VWA3A: variants seen among roughly 807,000 people sequenced by gnomAD.
VWA3A encodes von Willebrand factor A domain containing 3A.
In VWA3A, 134 loss-of-function variants were observed where a neutral mutation model predicts 160.4. The observed-to-expected ratio is 0.84, with a 90% CI of 0.73 to 0.96. The LOEUF is 0.96. VWA3A is among the 40% of genes least tolerant of loss of function. The probability of loss-of-function intolerance (pLI) is 0.00; values close to 1 mark genes in which losing one functional copy is unlikely to be tolerated. For missense variants in VWA3A, 1,310 were observed against 1,447.9 expected, an observed-to-expected ratio of 0.90 and a Z score of 1.55; for synonymous variants, 476 against 543.4, an observed-to-expected ratio of 0.88 and a Z score of 1.72.
intron 6 of VWA3A, among the ~76,000 whole-genome samples, chr16:22,104,113 T>C (rs1272817485): frequency 1.3e-5 from 2 of 152,176 alleles, no homozygotes; most frequent in African/African-American, 4.8e-5. Context: ...AGAATGCAGA[T>C]GTGCACTGGG....
At chr16:22,144,488 A>G in intron 26 of VWA3A, 104 bp downstream of exon 26, 1 of 1,466,030 alleles carries the variant, frequency 6.8e-7, no homozygotes, top group Middle Eastern at 1.8e-4. Context: ...GCTTGTAGGA[A>G]CTGCCCTCCT....
intron 16 of VWA3A, among the ~76,000 whole-genome samples, chr16:22,125,346 A>T (rs1025848552): frequency 2.6e-5 from 4 of 151,894 alleles, no homozygotes; most frequent in African/African-American, 9.7e-5. Context: ...CGATCGCACC[A>T]TTGCACTCCA....
In VWA3A at chr16:22,148,189, T is replaced by C. The variant is rs775866609; in HGVS notation, c.2867T>C (p.Leu956Ser). ...SGSRRLFGTV[L>S]ESKVCILLDT... ...AGCCGCCGACTGTTTGGCACCGTTT[T>C]GGAGAGCAAAGTATGCATATTGCTG... The change falls in exon 28 of 34, where the codon TTG becomes TCG. Residue 956 changes from leucine (L) to serine (S), a missense_variant. Transcript: ENST00000389398. 5.6e-6 allele frequency: 9 copies of C among 1,603,896 alleles called. No homozygotes were observed. In the South Asian group the frequency reaches 6.8e-5, roughly 12 times the overall value.
At chr16:22,105,308 A>G (rs1454820624) in intron 6 of VWA3A, among the ~76,000 whole-genome samples, 1 of 152,206 alleles carries the variant, frequency 6.6e-6, no homozygotes, top group African/African-American at 2.4e-5. Context: ...GGAGCTACAG[A>G]GAAACCATGG....
rs752652298 is a variant in VWA3A at position 22,134,408 on chromosome 16, G to T, written c.2109G>T (p.Glu703Asp). ...ESDDINSIMS[E>D]MEKALNYSQK... ...ATGACATCAACTCCATCATGTCTGAGATGGAAAAGGCTCTCAACTACTCCC... is the reference window on the plus strand; with the variant it reads ...ATGACATCAACTCCATCATGTCTGATATGGAAAAGGCTCTCAACTACTCCC... Residue 703 changes from glutamate (E) to aspartate (D), a missense_variant, in exon 21 of 34, where the codon GAG becomes GAT. Physicochemically the swap from Glu to Asp is conservative, Grantham distance 45. Coordinates refer to ENST00000389398, the MANE Select transcript of VWA3A (RefSeq NM_173615.5). 3.1e-6 allele frequency: 5 copies of T among 1,598,260 alleles called. No homozygotes were observed. Among genetic ancestry groups the T allele is most frequent in the Non-Finnish European group, 4.3e-6 (5 of 1,171,996 alleles).
At chr16:22,150,871 GT>G in intron 30 of VWA3A, 25 bp downstream of exon 30, 1 of 1,599,422 alleles carries the variant, frequency 6.3e-7, no homozygotes, top group Admixed American at 1.7e-5. Flanking sequence ...GTCTGACTGA[GT>G]TTTATTCTTT....
rs75117510 is a variant in VWA3A at position 22,144,161 on chromosome 16, A to G, written c.2593-86A>G. The G allele has an allele frequency of 8.5e-3, 12,320 of 1,448,556 alleles. 819 individuals are homozygous for G. In the African/African-American group the frequency reaches 0.15, roughly 18 times the overall value. 89.7% of individuals were successfully genotyped at this position (1,448,556 alleles called of 1,614,324 possible). ...CATTTCAAACATCATACAGGTTTCA[A>G]ACATGAGGTTCTCATAGACCAGTCA... is the stretch of plus-strand genomic sequence containing the variant. On this transcript the variant is annotated intron_variant, in intron 25 of 33. Coordinates refer to ENST00000389398, the MANE Select transcript of VWA3A (RefSeq NM_173615.5).
chr16:22,110,649 C>T (rs1162012620), intron 7 of VWA3A, among the ~76,000 whole-genome samples: 2 of 152,202 alleles, frequency 1.3e-5, no homozygotes, highest in Non-Finnish European at 2.9e-5. Flanking sequence ...CAGGTAAGTG[C>T]CAAGGGTCCA....
At chr16:22,101,915 A>G (rs535586171) in intron 5 of VWA3A, among the ~76,000 whole-genome samples, 5 of 152,354 alleles carry the variant, frequency 3.3e-5, no homozygotes, top group African/African-American at 1.2e-4. Context: ...ATTGACTTTT[A>G]GCAAATTGAC....
intron 8 of VWA3A, among the ~76,000 whole-genome samples, chr16:22,114,433 A>G (rs958819809): frequency 1.3e-5 from 2 of 152,196 alleles, no homozygotes; most frequent in Non-Finnish European, 2.9e-5. Context: ...CTGGCTCCCA[A>G]GAGAGTGGGT....
At chr16:22,154,650 A>AT (rs906008094) in intron 31 of VWA3A, among the ~76,000 whole-genome samples, 12 of 151,084 alleles carry the variant, frequency 7.9e-5, no homozygotes, top group Admixed American at 1.3e-4. Context: ...ATTAGTTAAC[A>AT]TTTTTTTTAA....
intron 15 of VWA3A, 71 bp from the exon 16 acceptor site, chr16:22,123,542 C>G (rs550551429): frequency 6.2e-7 from 1 of 1,612,102 alleles, no homozygotes; most frequent in Admixed American, 1.7e-5. Context: ...CCCAGGTACA[C>G]GTACTTCCCC....
rs372471067 is a variant in VWA3A, at chr16:22,100,468, C to T, written c.403C>T (p.Arg135Cys). Residue 135 changes from arginine to cysteine, a missense_variant, in exon 5 of 34, where the codon CGC becomes TGC. By Grantham distance (180) the Arg-to-Cys change is radical. Coordinates refer to ENST00000389398, the MANE Select transcript of VWA3A (RefSeq NM_173615.5). ...AATATGTTTCTCCACCCAGATCATC[C>T]GCCATTTTGAGTCAAAGCTTTCTGA... ...QKICFSTQII[R>C]HFESKLSDTI... 179 of 1,551,578 alleles carry T rather than the reference C, an allele frequency of 1.2e-4. No homozygotes were observed. Among genetic ancestry groups the T allele is most frequent in the Non-Finnish European group, 1.4e-4 (160 of 1,146,990 alleles).
chr16:22,131,532 A>G (rs779374759), intron 18 of VWA3A, 53 bp from the exon 19 acceptor site: 21 of 1,597,156 alleles, frequency 1.3e-5, no homozygotes, highest in Non-Finnish European at 1.8e-5. Flanking sequence ...CCCAAAAGGT[A>G]TGCCCTGGGC....
intron 14 of VWA3A, 31 bp downstream of exon 14, chr16:22,121,648 T>G (rs766943258): frequency 1.3e-6 from 2 of 1,518,390 alleles, no homozygotes; most frequent in South Asian, 2.3e-5. Flanking sequence ...TCTCCAGTCC[T>G]CCACAGGAGA....
chr16:22,127,874 G>A (rs2045878619), intron 17 of VWA3A, among the ~76,000 whole-genome samples: 1 of 152,200 alleles, frequency 6.6e-6, no homozygotes, highest in Non-Finnish European at 1.5e-5. Context: ...GTATGGGACT[G>A]CAAGGTATCA....
chr16:22,107,918 G>A (rs1456524669), intron 6 of VWA3A, among the ~76,000 whole-genome samples: 1 of 152,134 alleles, frequency 6.6e-6, no homozygotes, highest in East Asian at 1.9e-4. Flanking sequence ...AGAAAATATG[G>A]CCAGTGAAGA....
intron 21 of VWA3A, among the ~76,000 whole-genome samples, chr16:22,136,240 G>T (rs1025136823): frequency 7.9e-5 from 12 of 152,172 alleles, no homozygotes; most frequent in African/African-American, 2.9e-4. Flanking sequence ...TGATTGAACG[G>T]GCAGTGTGAA....
At chr16:22,093,158 C>T (rs1901396008) in intron 1 of VWA3A, among the ~76,000 whole-genome samples, 1 of 152,074 alleles carries the variant, frequency 6.6e-6, no homozygotes. Context: ...GTTCTAAACT[C>T]TATTTTATGC....
Sources: allele counts gnomAD v4.1 joint callset (sites outside exome capture counted in the v4.1 genomes callset), GRCh38; gene constraint gnomAD v4.1.1; transcripts MANE v1.5; gene names NCBI Gene and HGNC (gene_info 2026-07-23, HGNC 2026-07-21).